Variants in ADAMTS3 observed in about 807,000 individuals in gnomAD.
ADAMTS3 encodes ADAM metallopeptidase with thrombospondin type 1 motif 3.
ADAMTS3 carries 73 observed loss-of-function variants against 129.0 expected under a neutral mutation model. The ratio of observed to expected loss-of-function variants is 0.57; its 90% confidence interval spans 0.47 to 0.69. ADAMTS3 has a LOEUF of 0.69. Among genes scored for constraint, ADAMTS3 ranks in the 30% least tolerant of loss-of-function variants. The pLI is 0.00. For missense variants in ADAMTS3, 1,457 were observed against 1,514.5 expected (o/e 0.96, Z 0.63); for synonymous variants, 477 against 510.8 (o/e 0.93, Z 0.89).
chr4:72,379,208 A>G (rs1267199213), intron 4 of ADAMTS3, among the ~76,000 whole-genome samples: 2 of 152,084 alleles, frequency 1.3e-5, no homozygotes, highest in Non-Finnish European at 2.9e-5. Flanking sequence ...GGGCGTGTAC[A>G]CCTAGGGATG....
At chr4:72,515,245 T>G (rs1272589432) in intron 3 of ADAMTS3, among the ~76,000 whole-genome samples, 3 of 152,030 alleles carry the variant, frequency 2.0e-5, no homozygotes, top group Admixed American at 6.6e-5. Flanking sequence ...TTGTTGGACA[T>G]TTGGGTTGGT....
At chr4:72,296,115 A>C (rs548488660) in intron 18 of ADAMTS3, among the ~76,000 whole-genome samples, 2 of 152,180 alleles carry the variant, frequency 1.3e-5, no homozygotes, top group South Asian at 4.1e-4. Flanking sequence ...AAAACTATGT[A>C]AATAACTTAC....
chr4:72,459,731 T>C (rs1189047823), intron 3 of ADAMTS3, among the ~76,000 whole-genome samples: 3 of 151,532 alleles, frequency 2.0e-5, no homozygotes, highest in Non-Finnish European at 3.0e-5. Context: ...TGAGTAAAGG[T>C]CAAGTATCCC....
chr4:72,319,386 A>G lies in ADAMTS3; in HGVS notation c.1298T>C (p.Phe433Ser). 2 of 1,613,926 alleles carry G rather than the reference A, an allele frequency of 1.2e-6. No individual in the cohort carries two copies. The highest frequency in any genetic ancestry group is 2.2e-5 in the South Asian group (2 of 91,068). ...GCATCGGGACCAGTGGTAACGATGG[A>G]ATGCTGCTTGTACCAAGGGAGCCAT... ...SVMAPLVQAAFHRYHWSRCSG... is the reference protein window; with the variant it reads ...SVMAPLVQAASHRYHWSRCSG... Residue 433 changes from phenylalanine (F) to serine (S), a missense_variant, in exon 9 of 22, where the codon TTC (phenylalanine) becomes TCC (serine). Physicochemically the swap from Phe to Ser is radical, Grantham distance 155 (BLOSUM62 -2). Transcript: ENST00000286657.
At chr4:72,528,820 A>T (rs558641627) in intron 3 of ADAMTS3, among the ~76,000 whole-genome samples, 4 of 152,276 alleles carry the variant, frequency 2.6e-5, no homozygotes, top group African/African-American at 7.2e-5. Flanking sequence ...CATACCAATC[A>T]GTCTGTCAAT....
chr4:72,354,190 T>G (rs891441653), intron 4 of ADAMTS3, among the ~76,000 whole-genome samples: 1 of 151,994 alleles, frequency 6.6e-6, no homozygotes, highest in Non-Finnish European at 1.5e-5. Flanking sequence ...AGATAAAATA[T>G]TCCTAGAAGC....
In ADAMTS3 at chr4:72,405,259, T is replaced by C. The variant is rs2109914280; in HGVS notation, c.661+9556A>G. On this transcript the variant is annotated intron_variant, in intron 4 of 21. Coordinates refer to ENST00000286657, the MANE Select transcript of ADAMTS3 (RefSeq NM_014243.3). Reference sequence around the variant, plus strand: ...TGCAACCTGGTGTTCACTTCAGCATTATTCACAATATCGAAGATGTGGAAA... The same window carrying C: ...TGCAACCTGGTGTTCACTTCAGCATCATTCACAATATCGAAGATGTGGAAA... 2.0e-5 allele frequency among the ~76,000 whole-genome samples: 3 copies of C among 152,270 alleles called. No individual in the cohort carries two copies. The South Asian group carries it at 6.2e-4, about 32-fold the overall frequency.
rs374112257 is a variant in ADAMTS3, at chr4:72,492,185, TTTTA to T, written c.504+56289_504+56292del. Among the ~76,000 whole-genome samples, 1,305 of 151,836 alleles carry T rather than the reference TTTTA, an allele frequency of 8.6e-3. 5 individuals carry two copies. Among genetic ancestry groups the T allele is most frequent in the Non-Finnish European group, 0.014 (926 of 67,728 alleles). On this transcript the variant is annotated intron_variant, in intron 3 of 21. Coordinates refer to ENST00000286657, the MANE Select transcript of ADAMTS3 (RefSeq NM_014243.3). Reference sequence around the variant, plus strand: ...TCTTAGACTAAGGGTTTTTTAAAACTTTTATTTATCTTTCGAAAAACAACTTTCA... The same window carrying T: ...TCTTAGACTAAGGGTTTTTTAAAACTTTTATCTTTCGAAAAACAACTTTCA...
At chr4:72,434,227 T>C (rs1443811725) in intron 3 of ADAMTS3, among the ~76,000 whole-genome samples, 1 of 151,730 alleles carries the variant, frequency 6.6e-6, no homozygotes, top group Non-Finnish European at 1.5e-5. Flanking sequence ...TATGGTACCA[T>C]AACTGCAATA....
intron 4 of ADAMTS3, among the ~76,000 whole-genome samples, chr4:72,368,716 C>T (rs1008629114): frequency 5.9e-5 from 9 of 152,124 alleles, no homozygotes; most frequent in Non-Finnish European, 1.2e-4. Context: ...CAGAACAAGC[C>T]TAGAAACACA....
chr4:72,430,159 G>A (rs1410553921), intron 3 of ADAMTS3, among the ~76,000 whole-genome samples: 2 of 152,014 alleles, frequency 1.3e-5, no homozygotes, highest in Admixed American at 6.6e-5. Context: ...TTTTCCAAGT[G>A]TGACCTTGGC....
intron 3 of ADAMTS3, among the ~76,000 whole-genome samples, chr4:72,533,985 C>CT (rs1183965286): frequency 6.6e-6 from 1 of 152,122 alleles, no homozygotes; most frequent in Non-Finnish European, 1.5e-5. Flanking sequence ...CAGAAGGACA[C>CT]TGTCCATAAA....
intron 20 of ADAMTS3, among the ~76,000 whole-genome samples, chr4:72,290,275 T>C (rs914344973): frequency 1.3e-5 from 2 of 150,918 alleles, no homozygotes; most frequent in African/African-American, 5.0e-5. Flanking sequence ...ATGAACAGCA[T>C]GGTAAAGTTA....
At chr4:72,400,958 T>C (rs995376591) in intron 4 of ADAMTS3, among the ~76,000 whole-genome samples, 3 of 148,962 alleles carry the variant, frequency 2.0e-5, no homozygotes. Flanking sequence ...ACAGTGTGGG[T>C]CTAGGTGTAC....
intron 4 of ADAMTS3, among the ~76,000 whole-genome samples, chr4:72,354,342 T>C (rs954903453): frequency 2.0e-5 from 3 of 151,960 alleles, no homozygotes; most frequent in Non-Finnish European, 4.4e-5. Context: ...CAAATCAAGA[T>C]TTTTTCCCTT....
chr4:72,413,427 C>T (rs911458044), intron 4 of ADAMTS3, among the ~76,000 whole-genome samples: 4 of 152,002 alleles, frequency 2.6e-5, no homozygotes, highest in South Asian at 2.1e-4. Flanking sequence ...TTTTCCTTAA[C>T]ATAACCAGTC....
chr4:72,502,453 T>C (rs951544350), intron 3 of ADAMTS3, among the ~76,000 whole-genome samples: 1 of 152,172 alleles, frequency 6.6e-6, no homozygotes, highest in East Asian at 1.9e-4. Context: ...GTGGAATCAG[T>C]TGTAGTCACC....
intron 3 of ADAMTS3, among the ~76,000 whole-genome samples, chr4:72,445,094 T>C (rs533167677): frequency 4.0e-5 from 6 of 151,660 alleles, no homozygotes; most frequent in Middle Eastern, 3.4e-3. Flanking sequence ...TGGTTTATTT[T>C]TGAGATAATG....
intron 3 of ADAMTS3, among the ~76,000 whole-genome samples, chr4:72,479,382 T>G (rs1190966203): frequency 2.0e-5 from 3 of 152,066 alleles, no homozygotes; most frequent in African/African-American, 4.8e-5. Context: ...CCCTCAGAAA[T>G]AATGCCACAT....
Sources: gnomAD v4.1 joint callset for allele counts (sites outside exome capture counted in the v4.1 genomes callset) on GRCh38, gnomAD v4.1.1 for gene constraint, MANE v1.5 for transcripts, NCBI Gene and HGNC (gene_info 2026-07-23, HGNC 2026-07-21) for gene names.